The following STK17A variants were observed in gnomAD, a reference collection of about 807,000 sequenced individuals.
STK17A encodes serine/threonine kinase 17a, also known as serine/threonine-protein kinase 17A.
STK17A carries 26 observed loss-of-function variants against 43.7 expected under a neutral mutation model. That is an observed-to-expected ratio of 0.60 (90% CI 0.44 to 0.83). The LOEUF is 0.83. Among genes scored for constraint, STK17A ranks in the 40% least tolerant of loss-of-function variants. STK17A has a pLI of 0.00. For synonymous variants in STK17A, 191 were observed against 182.5 expected (o/e 1.05, Z -0.38); for missense variants, 476 against 511.6 (o/e 0.93, Z 0.67).
At chr7:43,596,703 C>T (rs1031084121) in intron 2 of STK17A, among the ~76,000 whole-genome samples, 18 of 151,776 alleles carry the variant, frequency 1.2e-4, no homozygotes, top group African/African-American at 3.6e-4. Flanking sequence ...CCAGTCTCTA[C>T]TACAAATACA....
intron 1 of STK17A, among the ~76,000 whole-genome samples, chr7:43,593,033 C>T (rs868588696): frequency 1.3e-5 from 2 of 152,308 alleles, no homozygotes; most frequent in Admixed American, 6.5e-5. Context: ...ACCTAAATAG[C>T]GTACATTGTA....
rs1411854840 is a variant in STK17A, at chr7:43,594,514, C to T, written c.207-1387C>T. On this transcript the variant is annotated intron_variant, in intron 1 of 6. Coordinates refer to ENST00000319357, the MANE Select transcript of STK17A (RefSeq NM_004760.3). ...CCCAGTAGTGGAAAAGATTACCTCA[C>T]AGTTTGAAATAAGACATTGGCATTT... Among the ~76,000 whole-genome samples, 3 of 152,078 alleles carry T rather than the reference C, an allele frequency of 2.0e-5. No homozygotes were observed. The East Asian group carries it at 5.8e-4, about 29-fold the overall frequency.
At chr7:43,595,860 A>G (rs780683909) in intron 1 of STK17A, 41 bp from the exon 2 acceptor site, 7 of 1,579,814 alleles carry the variant, frequency 4.4e-6, no homozygotes, top group African/African-American at 2.7e-5. Context: ...ATCTCTGGAA[A>G]GTTGTCAACT....
rs150031105 is a variant in STK17A, at chr7:43,608,219, A to G, written c.420-37A>G. On this transcript the variant is annotated intron_variant, in intron 2 of 6. Coordinates refer to ENST00000319357, the MANE Select transcript of STK17A (RefSeq NM_004760.3). Reference sequence around the variant, plus strand: ...TTGGTGTAAGTGTTCGCCATTTCTTATGAGTTATATATTACTTTAATTTTG... The same window carrying G: ...TTGGTGTAAGTGTTCGCCATTTCTTGTGAGTTATATATTACTTTAATTTTG... 9,399 of 1,571,346 alleles carry G rather than the reference A, an allele frequency of 6.0e-3. 50 individuals are homozygous for G. The highest frequency in any genetic ancestry group is 7.5e-3 in the Non-Finnish European group (8,704 of 1,160,648).
chr7:43,597,409 A>C (rs1451186107), intron 2 of STK17A, among the ~76,000 whole-genome samples: 1 of 149,784 alleles, frequency 6.7e-6, no homozygotes, highest in African/African-American at 2.5e-5. Flanking sequence ...TTTTTTTGAG[A>C]TGGATTTTCA....
At chr7:43,603,067 G>A (rs908180809) in intron 2 of STK17A, among the ~76,000 whole-genome samples, 6 of 151,998 alleles carry the variant, frequency 3.9e-5, no homozygotes, top group African/African-American at 7.3e-5. Flanking sequence ...CAAGTCTTCC[G>A]CTTAAACCTC....
chr7:43,608,348 TAGA>T lies in STK17A; in HGVS notation c.515_517del (p.Glu172del), dbSNP rs2082633395. On this transcript the variant is annotated inframe_deletion, in exon 3 of 7. Transcript: ENST00000319357. ...GTTCAAAGACTTATGCGACAGATTT[TAGA>T]AGGTGTTCACTTTTTACACACTCGT... 4.3e-6 allele frequency: 7 copies of T among 1,614,042 alleles called. No homozygotes were observed. The highest frequency in any genetic ancestry group is 5.9e-6 in the Non-Finnish European group (7 of 1,180,018).
At chr7:43,603,323 TA>T (rs2082567711) in intron 2 of STK17A, among the ~76,000 whole-genome samples, 1 of 152,192 alleles carries the variant, frequency 6.6e-6, no homozygotes. Context: ...GATACTGAGA[TA>T]CCAAAATTCT....
intron 3 of STK17A, among the ~76,000 whole-genome samples, chr7:43,616,399 CTTCCA>C (rs886787647): frequency 6.6e-6 from 1 of 152,260 alleles, no homozygotes; most frequent in African/African-American, 2.4e-5. Flanking sequence ...AGTTATGTTT[CTTCCA>C]TTCATTCACC....
At chr7:43,597,365 G>A (rs771462859) in intron 2 of STK17A, among the ~76,000 whole-genome samples, 6 of 151,924 alleles carry the variant, frequency 3.9e-5, no homozygotes, top group Non-Finnish European at 5.9e-5. Flanking sequence ...GGTGGCTCAT[G>A]CCTGTAGTTC....
At chr7:43,616,646 C>T in intron 3 of STK17A, among the ~76,000 whole-genome samples, 1 of 152,156 alleles carries the variant, frequency 6.6e-6, no homozygotes, top group East Asian at 1.9e-4. Context: ...GCCTGTAATC[C>T]CAGCACTTTG....
intron 4 of STK17A, among the ~76,000 whole-genome samples, chr7:43,621,420 T>C (rs1445657611): frequency 6.6e-6 from 1 of 152,226 alleles, no homozygotes; most frequent in Non-Finnish European, 1.5e-5. Context: ...GTCTGTGAGC[T>C]GAAAAATCAA....
At chr7:43,586,695 G>T (rs990897058) in intron 1 of STK17A, among the ~76,000 whole-genome samples, 1 of 151,234 alleles carries the variant, frequency 6.6e-6, no homozygotes, top group African/African-American at 2.4e-5. Context: ...CAAATGATTT[G>T]CCTTACATTT....
At chr7:43,610,305 C>T (rs1008073030) in intron 3 of STK17A, among the ~76,000 whole-genome samples, 25 of 144,828 alleles carry the variant, frequency 1.7e-4, no homozygotes, top group African/African-American at 6.2e-4. Flanking sequence ...CGAGATCGTG[C>T]CACTGCACTC....
chr7:43,599,319 C>T (rs907398592), intron 2 of STK17A, among the ~76,000 whole-genome samples: 1 of 152,190 alleles, frequency 6.6e-6, no homozygotes, highest in Non-Finnish European at 1.5e-5. Context: ...ATTTTCACTT[C>T]TATAACCTTT....
Position 43,585,149 on chromosome 7 carries a change from A to G in STK17A, c.206+1700A>G, listed in dbSNP as rs537236647. Among the ~76,000 whole-genome samples the G allele has an allele frequency of 1.6e-3, 242 of 152,188 alleles. 1 individual carries two copies. Among genetic ancestry groups the G allele is most frequent in the African/African-American group, 5.6e-3 (234 of 41,516 alleles). ...GAGGCGGAGGTTGCAGTGAGCCAAG[A>G]TCGCGCCGTTGCACTCCAGCTTGGG... On this transcript the variant is annotated intron_variant, in intron 1 of 6. Coordinates refer to ENST00000319357, the MANE Select transcript of STK17A (RefSeq NM_004760.3).
intron 2 of STK17A, among the ~76,000 whole-genome samples, chr7:43,607,786 A>G (rs1268225828): frequency 1.3e-5 from 2 of 152,224 alleles, no homozygotes; most frequent in Admixed American, 6.5e-5. Flanking sequence ...GATGACAATA[A>G]ACTGTGATTA....
At chr7:43,599,441 T>A (rs1207906825) in intron 2 of STK17A, among the ~76,000 whole-genome samples, 1 of 152,260 alleles carries the variant, frequency 6.6e-6, no homozygotes, top group African/African-American at 2.4e-5. Flanking sequence ...ATTCAATTAT[T>A]TTCTGCTTTC....
At chr7:43,593,699 A>C (rs2082494821) in intron 1 of STK17A, among the ~76,000 whole-genome samples, 2 of 150,942 alleles carry the variant, frequency 1.3e-5, no homozygotes, top group Admixed American at 6.6e-5. Context: ...GTTCATATAA[A>C]AAAAAAAAAC....
Sources: allele counts gnomAD v4.1 joint callset (sites outside exome capture counted in the v4.1 genomes callset), GRCh38; gene constraint gnomAD v4.1.1; transcripts MANE v1.5; gene names NCBI Gene and HGNC (gene_info 2026-07-23, HGNC 2026-07-21).